The following PDZRN3 variants were observed in gnomAD, a reference collection of about 807,000 sequenced individuals.
PDZRN3 encodes E3 ubiquitin-protein ligase PDZRN3.
PDZRN3 carries 38 observed loss-of-function variants against 85.7 expected under a neutral mutation model. The observed-to-expected ratio is 0.44, with a 90% CI of 0.34 to 0.58. The LOEUF (loss-of-function observed/expected upper bound fraction) is 0.58. Among genes scored for constraint, PDZRN3 ranks in the 20% least tolerant of loss-of-function variants. The probability of loss-of-function intolerance (pLI) is 0.01; values close to 1 mark genes in which losing one functional copy is unlikely to be tolerated. For synonymous variants in PDZRN3, 759 were observed against 638.0 expected, an observed-to-expected ratio of 1.19 and a Z score of -2.86; for missense variants, 1,629 against 1,506.4, an observed-to-expected ratio of 1.08 and a Z score of -1.35.
At chr3:73,411,955 C>T (rs759822064) in intron 3 of PDZRN3, among the ~76,000 whole-genome samples, 1 of 152,284 alleles carries the variant, frequency 6.6e-6, no homozygotes, top group South Asian at 2.1e-4. Context: ...AAGGGAAGTA[C>T]AGCTACTATC....
chr3:73,549,628 G>A (rs1701505414), intron 3 of PDZRN3, among the ~76,000 whole-genome samples: 1 of 152,188 alleles, frequency 6.6e-6, no homozygotes, highest in African/African-American at 2.4e-5. Context: ...TTTGGAAAAG[G>A]AAATGGAACT....
intron 3 of PDZRN3, among the ~76,000 whole-genome samples, chr3:73,488,069 G>C (rs1559704542): frequency 1.5e-5 from 1 of 65,970 alleles, no homozygotes; most frequent in Non-Finnish European, 2.4e-5. Flanking sequence ...GCAAATGAAA[G>C]GCACAAAGTG....
At chr3:73,388,764 G>T (rs961462305) in intron 7 of PDZRN3, among the ~76,000 whole-genome samples, 2 of 151,764 alleles carry the variant, frequency 1.3e-5, no homozygotes, top group African/African-American at 4.8e-5. Flanking sequence ...CAGCAAAAGG[G>T]GTGACTCTAT....
intron 3 of PDZRN3, among the ~76,000 whole-genome samples, chr3:73,427,925 G>A (rs1710577044): frequency 6.6e-6 from 1 of 152,194 alleles, no homozygotes; most frequent in Admixed American, 6.5e-5. Context: ...AGGTTAGAGT[G>A]GGTCGGGGGA....
chr3:73,605,285 G>C (rs1702581796), intron 2 of PDZRN3, among the ~76,000 whole-genome samples: 1 of 151,936 alleles, frequency 6.6e-6, no homozygotes, highest in Non-Finnish European at 1.5e-5. Flanking sequence ...TCTCCTAAGA[G>C]AGTTAGTTAC....
intron 1 of PDZRN3, among the ~76,000 whole-genome samples, chr3:73,610,335 C>T (rs550818086): frequency 7.9e-5 from 12 of 152,262 alleles, no homozygotes; most frequent in African/African-American, 2.6e-4. Context: ...TCTTTAATGA[C>T]AGGCTATTGG....
At chr3:73,561,690 T>C (rs1367236629) in intron 3 of PDZRN3, 1 of 152,222 alleles carries the variant, frequency 6.6e-6, no homozygotes, top group Non-Finnish European at 1.5e-5. Context: ...GAAGCTGTGG[T>C]CTTCACGTGC....
At chr3:73,443,643 G>T (rs566538802) in intron 3 of PDZRN3, among the ~76,000 whole-genome samples, 2 of 151,744 alleles carry the variant, frequency 1.3e-5, no homozygotes, top group African/African-American at 4.8e-5. Context: ...GCACCACTAT[G>T]CCTGGCTATT....
At chr3:73,458,212 C>T (rs1309117071) in intron 3 of PDZRN3, among the ~76,000 whole-genome samples, 1 of 152,036 alleles carries the variant, frequency 6.6e-6, no homozygotes, top group African/African-American at 2.4e-5. Flanking sequence ...TTTCTTCATC[C>T]ACACAATGAG....
intron 3 of PDZRN3, among the ~76,000 whole-genome samples, chr3:73,593,709 T>TATACACACACAC (rs1246145951): frequency 9.2e-5 from 13 of 141,934 alleles, no homozygotes; most frequent in East Asian, 6.2e-4. Flanking sequence ...GAAATAAATA[T>TATACACACACAC]ACACACACAC....
At position 73,388,074 on chromosome 3, in the gene PDZRN3, T is replaced by A. The variant is rs76063873; in HGVS notation, c.1417-5A>T. Reference sequence around the variant, plus strand: ...CTGCACCTCTATCCCATTAATCTTTTAAAAAAAAAGGGGGGGTGGGGAGAG... The same window carrying A: ...CTGCACCTCTATCCCATTAATCTTTAAAAAAAAAAGGGGGGGTGGGGAGAG... On this transcript the variant is annotated splice_region_variant and splice_polypyrimidine_tract_variant and intron_variant, in intron 7 of 9. Coordinates refer to ENST00000263666, the MANE Select transcript of PDZRN3 (RefSeq NM_015009.3). 7.6e-4 allele frequency: 576 copies of A among 755,306 alleles called. 1 individual carries two copies. Among genetic ancestry groups the A allele is most frequent in the African/African-American group, 1.8e-3 (101 of 55,920 alleles). 46.8% of individuals were successfully genotyped at this position (755,306 alleles called of 1,614,324 possible).
At chr3:73,551,792 A>ATT (rs1444418637) in intron 3 of PDZRN3, among the ~76,000 whole-genome samples, 1 of 152,008 alleles carries the variant, frequency 6.6e-6, no homozygotes, top group Non-Finnish European at 1.5e-5. Context: ...AAAGGGTCAT[A>ATT]TTTTTGAGAT....
chr3:73,501,678 G>C (rs1703981808), intron 3 of PDZRN3, among the ~76,000 whole-genome samples: 1 of 152,164 alleles, frequency 6.6e-6, no homozygotes, highest in Admixed American at 6.5e-5. Flanking sequence ...CTCCATATTT[G>C]GTGAGAATAA....
At chr3:73,393,921 ATTTTGATTGACAGAGATTT>A (rs1184521324) in intron 5 of PDZRN3, among the ~76,000 whole-genome samples, 1 of 152,150 alleles carries the variant, frequency 6.6e-6, no homozygotes, top group East Asian at 1.9e-4. Context: ...TTTTGTCAGT[ATTTTGATTGACAGAGATTT>A]GGAGGACTGT....
rs1331466894 is a variant in PDZRN3 at position 73,569,337 on chromosome 3, C to T, written c.918+33017G>A. On this transcript the variant is annotated intron_variant, in intron 3 of 9. Transcript: ENST00000263666. ...GCCTCAGGTGAACCAGGAGAATAAG[C>T]AGGTTAATAATCTTTAGTGAGGAGG... 2.5e-6 allele frequency: 3 copies of T among 1,219,322 alleles called. No homozygotes were observed. In the African/African-American group the frequency reaches 4.7e-5, roughly 19 times the overall value. 75.5% of individuals were successfully genotyped at this position (1,219,322 alleles called of 1,614,324 possible).
intron 3 of PDZRN3, among the ~76,000 whole-genome samples, chr3:73,505,936 A>G (rs1328768133): frequency 6.6e-6 from 1 of 152,156 alleles, no homozygotes; most frequent in African/African-American, 2.4e-5. Context: ...TGGATGGTCA[A>G]GTGAACTCAT....
chr3:73,450,424 G>A (rs1033860358), intron 3 of PDZRN3, among the ~76,000 whole-genome samples: 1 of 152,214 alleles, frequency 6.6e-6, no homozygotes, highest in Non-Finnish European at 1.5e-5. Context: ...AATACAAAAG[G>A]TGTGGTAAGA....
chr3:73,429,848 G>A (rs1336269022), intron 3 of PDZRN3, among the ~76,000 whole-genome samples: 1 of 152,154 alleles, frequency 6.6e-6, no homozygotes, highest in Non-Finnish European at 1.5e-5. Flanking sequence ...TTACTCCGGA[G>A]CTCATTTTTC....
intron 3 of PDZRN3, among the ~76,000 whole-genome samples, chr3:73,554,471 T>A (rs939999142): frequency 6.6e-6 from 1 of 152,022 alleles, no homozygotes; most frequent in Non-Finnish European, 1.5e-5. Flanking sequence ...GACATCATCA[T>A]CATCATCACT....
Sources: gnomAD v4.1 joint callset for allele counts (sites outside exome capture counted in the v4.1 genomes callset) on GRCh38, gnomAD v4.1.1 for gene constraint, MANE v1.5 for transcripts, NCBI Gene and HGNC (gene_info 2026-07-23, HGNC 2026-07-21) for gene names.